Variants in DNAJB1 observed in about 807,000 individuals in gnomAD.
DNAJB1 encodes dnaJ homolog subfamily B member 1.
DNAJB1 carries 14 observed loss-of-function variants against 24.0 expected under a neutral mutation model. The observed-to-expected ratio is 0.58, with a 90% CI of 0.39 to 0.91. The LOEUF is 0.91. DNAJB1 is among the 40% of genes least tolerant of loss of function. DNAJB1 has a pLI of 0.00. For missense variants in DNAJB1, 517 were observed against 458.1 expected (o/e 1.13, Z -1.17); for synonymous variants, 262 against 174.4 (o/e 1.50, Z -3.96).
chr19:14,519,646 C>G (rs1347734012), upstream of DNAJB1, among the ~76,000 whole-genome samples: 1 of 152,212 alleles, frequency 6.6e-6, no homozygotes, highest in Non-Finnish European at 1.5e-5. Context: ...ACATCGCCAC[C>G]TGGGCAGGGG....
intron 1 of DNAJB1, among the ~76,000 whole-genome samples, chr19:14,546,803 C>T (rs973704305): frequency 4.9e-4 from 74 of 152,274 alleles, no homozygotes; most frequent in African/African-American, 1.7e-3. Flanking sequence ...CATTCTCCCA[C>T]CTTAGCCTCC....
Position 14,515,807 on chromosome 19 carries a change from C to G in DNAJB1, c.*133G>C, listed in dbSNP as rs1220812448. The G allele has an allele frequency of 8.6e-6, 7 of 818,144 alleles. No individual in the cohort carries two copies. The highest frequency in any genetic ancestry group is 1.4e-5 in the Non-Finnish European group (7 of 512,770). The allele number at this position is 818,144 out of a possible 1,614,324, so 50.7% of individuals were successfully genotyped here. On this transcript the variant is annotated 3_prime_UTR_variant, in exon 3 of 3. Transcript: ENST00000254322. ...ACTTTGAAAGATTGTAATATATGCT[C>G]TGGAAAACATTCAGCAGTACGAAAG...
At chr19:14,538,063 T>A (rs1299417576) in intron 1 of DNAJB1, among the ~76,000 whole-genome samples, 1 of 152,198 alleles carries the variant, frequency 6.6e-6, no homozygotes, top group Non-Finnish European at 1.5e-5. Context: ...GCTTCTTATC[T>A]AGTAACATAT....
chr19:14,543,165 G>T (rs1275084478), intron 1 of DNAJB1, among the ~76,000 whole-genome samples: 1 of 150,566 alleles, frequency 6.6e-6, no homozygotes, highest in East Asian at 2.0e-4. Flanking sequence ...TGAGCCTCCA[G>T]GCTCCTTGTG....
At chr19:14,551,969 CTCTT>C (rs1414524860), upstream of DNAJB1, among the ~76,000 whole-genome samples, 3 of 117,312 alleles carry the variant, frequency 2.6e-5, no homozygotes, top group East Asian at 3.0e-4. Flanking sequence ...CTCTCTCTCT[CTCTT>C]TCTCTCTTTT....
chr19:14,518,414 G>C, upstream of DNAJB1: 1 of 1,445,796 alleles, frequency 6.9e-7, no homozygotes, highest in South Asian at 1.4e-5. Flanking sequence ...GACCAGTCCC[G>C]GACTCTATAT....
intron 1 of DNAJB1, among the ~76,000 whole-genome samples, chr19:14,548,935 CATGGCGTGTTCA>C (rs569060577): frequency 6.6e-6 from 1 of 152,232 alleles, no homozygotes; most frequent in South Asian, 2.1e-4. Context: ...ATCCAGTGAG[CATGGCGTGTTCA>C]ATACAACTCT....
intron 1 of DNAJB1, among the ~76,000 whole-genome samples, chr19:14,535,756 C>CAAAAAA (rs1161257175): frequency 0.013 from 667 of 51,874 alleles, 26 homozygotes; most frequent in African/African-American, 0.032. Flanking sequence ...GACTCTGTCT[C>CAAAAAA]AAAAAAAAAA....
chr19:14,545,415 G>T (rs796989021), intron 1 of DNAJB1, among the ~76,000 whole-genome samples: 1 of 144,654 alleles, frequency 6.9e-6, no homozygotes, highest in African/African-American at 2.5e-5. Flanking sequence ...CCTCTGCACC[G>T]CTGTCTCCTC....
At chr19:14,558,325 C>T (rs965585775) in intron 1 of DNAJB1, among the ~76,000 whole-genome samples, 5 of 152,194 alleles carry the variant, frequency 3.3e-5, no homozygotes, top group African/African-American at 9.7e-5. Context: ...GTAATATCTT[C>T]ATGACCACAA....
At chr19:14,518,422 T>C (rs1014976708), upstream of DNAJB1, 4 of 1,265,758 alleles carry the variant, frequency 3.2e-6, no homozygotes, top group African/African-American at 4.7e-5. Flanking sequence ...CCGGACTCTA[T>C]ATACCCGTCC....
At chr19:14,540,065 T>C (rs1475608274) in intron 1 of DNAJB1, among the ~76,000 whole-genome samples, 2 of 148,358 alleles carry the variant, frequency 1.3e-5, no homozygotes, top group Non-Finnish European at 3.0e-5. Context: ...TTTATTTAAT[T>C]TTTTTTTTTT....
chr19:14,545,500 A>G (rs2073274178), intron 1 of DNAJB1, among the ~76,000 whole-genome samples: 1 of 152,066 alleles, frequency 6.6e-6, no homozygotes, highest in Admixed American at 6.6e-5. Flanking sequence ...AGCACCAGCA[A>G]GCCTAGGGGG....
upstream of DNAJB1, among the ~76,000 whole-genome samples, chr19:14,522,701 C>G (rs924613901): frequency 1.3e-4 from 19 of 151,306 alleles, no homozygotes; most frequent in African/African-American, 2.4e-4. Context: ...CACACACACA[C>G]ACACACACAC....
intron 1 of DNAJB1, chr19:14,517,395 A>C (rs1447543628): frequency 4.2e-6 from 1 of 235,392 alleles, no homozygotes; most frequent in Non-Finnish European, 8.3e-6. Context: ...GTAAGTGTTT[A>C]CTCTCAACGT....
rs143320658 is a variant in DNAJB1, at chr19:14,516,083, G to A, written c.880C>T (p.Arg294Trp). The part of the protein sequence containing the change: ...VFKDVIRPGM[R>W]RKVPGEGLPL... ...AGGCCTTCTCCAGGAACTTTTCGCC[G>A]CATGCCAGGCCTGATAACATCTTTG... is the stretch of plus-strand genomic sequence containing the variant. Residue 294 changes from arginine (R) to tryptophan (W), a missense_variant, in exon 3 of 3, where the codon CGG (arginine) becomes TGG (tryptophan). Arg to Trp is a moderately radical substitution (Grantham distance 101). Coordinates refer to ENST00000254322, the MANE Select transcript of DNAJB1 (RefSeq NM_006145.3). 4.4e-4 allele frequency: 715 copies of A among 1,613,598 alleles called. 1 individual carries two copies. Among genetic ancestry groups the A allele is most frequent in the Non-Finnish European group, 5.6e-4 (666 of 1,179,784 alleles).
At chr19:14,547,201 A>G (rs964038017) in intron 1 of DNAJB1, among the ~76,000 whole-genome samples, 3 of 152,206 alleles carry the variant, frequency 2.0e-5, no homozygotes, top group Non-Finnish European at 4.4e-5. Context: ...TGAAGCATTT[A>G]GACTCTAGAT....
intron 1 of DNAJB1, among the ~76,000 whole-genome samples, chr19:14,548,205 G>GC (rs934885154): frequency 6.6e-6 from 1 of 151,516 alleles, no homozygotes; most frequent in African/African-American, 2.4e-5. Flanking sequence ...TTCATGATCC[G>GC]CCCCCTCGGC....
At chr19:14,532,594 T>G (rs548443623), upstream of DNAJB1, 3 of 152,004 alleles carry the variant, frequency 2.0e-5, no homozygotes, top group Non-Finnish European at 2.9e-5. Flanking sequence ...ATTGTTATTT[T>G]GCTGTGTTGT....
Sources: allele counts gnomAD v4.1 joint callset (sites outside exome capture counted in the v4.1 genomes callset), GRCh38; gene constraint gnomAD v4.1.1; transcripts MANE v1.5; gene names NCBI Gene and HGNC (gene_info 2026-07-23, HGNC 2026-07-21).